Variants in KATNAL1 observed in about 807,000 individuals in gnomAD.
The protein encoded by KATNAL1 is katanin catalytic subunit A1 like 1.
KATNAL1 carries 32 observed loss-of-function variants against 55.2 expected under a neutral mutation model. The observed-to-expected ratio is 0.58, with a 90% CI of 0.44 to 0.78. KATNAL1 has a LOEUF of 0.78. Ranked by LOEUF, KATNAL1 falls within the 30% of genes least tolerant of loss-of-function variation. The probability of loss-of-function intolerance (pLI) is 0.00; values close to 1 mark genes in which losing one functional copy is unlikely to be tolerated. For synonymous variants in KATNAL1, 193 were observed against 193.6 expected (o/e 1.00, Z 0.02); for missense variants, 466 against 600.9 (o/e 0.78, Z 2.35).
intron 4 of KATNAL1, among the ~76,000 whole-genome samples, chr13:30,252,854 C>T (rs1878449636): frequency 6.6e-6 from 1 of 151,946 alleles, no homozygotes; most frequent in African/African-American, 2.4e-5. Context: ...TCAAGCGATT[C>T]TCATGCCTCA....
At chr13:30,215,864 A>G (rs1375968950) in intron 9 of KATNAL1, among the ~76,000 whole-genome samples, 1 of 152,188 alleles carries the variant, frequency 6.6e-6, no homozygotes, top group African/African-American at 2.4e-5. Context: ...AGCATGGCAC[A>G]TGTATACATA....
chr13:30,302,644 G>T (rs1018506830), intron 1 of KATNAL1, among the ~76,000 whole-genome samples: 1 of 152,200 alleles, frequency 6.6e-6, no homozygotes, highest in African/African-American at 2.4e-5. Flanking sequence ...CCTCAAACAC[G>T]TAAAAGCTAA....
chr13:30,291,704 G>A (rs1462855739), intron 1 of KATNAL1, among the ~76,000 whole-genome samples: 1 of 152,168 alleles, frequency 6.6e-6, no homozygotes, highest in East Asian at 1.9e-4. Flanking sequence ...TGTTGGGGGT[G>A]GATGTCTACT....
At chr13:30,222,918 C>A (rs542756885) in intron 9 of KATNAL1, among the ~76,000 whole-genome samples, 11 of 151,966 alleles carry the variant, frequency 7.2e-5, no homozygotes, top group Non-Finnish European at 1.6e-4. Flanking sequence ...CATGGCGAAA[C>A]CCCGTCTCTA....
At chr13:30,212,308 G>T (rs1001744605) in intron 9 of KATNAL1, among the ~76,000 whole-genome samples, 2 of 152,206 alleles carry the variant, frequency 1.3e-5, no homozygotes, top group Non-Finnish European at 2.9e-5. Context: ...AGCAACCAAA[G>T]ACTTGTATCA....
chr13:30,280,763 CTTAT>C lies in KATNAL1; in HGVS notation c.163-544_163-541del, dbSNP rs541661139. 1.6e-3 allele frequency among the ~76,000 whole-genome samples: 245 copies of C among 152,048 alleles called. 1 individual carries two copies. The highest frequency in any genetic ancestry group is 5.4e-3 in the African/African-American group (224 of 41,466). Reference sequence around the variant, plus strand: ...CACCTGAAATCTGAATTATTTTTGCCTTATTTAAATTATTTTGAGTTCTGAGTAA... The same window carrying C: ...CACCTGAAATCTGAATTATTTTTGCCTTAAATTATTTTGAGTTCTGAGTAA... On this transcript the variant is annotated intron_variant, in intron 2 of 10. Transcript: ENST00000380615.
At chr13:30,242,677 T>C (rs928130911) in intron 4 of KATNAL1, among the ~76,000 whole-genome samples, 2 of 151,910 alleles carry the variant, frequency 1.3e-5, no homozygotes, top group African/African-American at 2.4e-5. Context: ...AGGAGGAGAA[T>C]CAAAGAACTA....
At position 30,208,344 on chromosome 13, in the gene KATNAL1, G is replaced by T; in HGVS notation, c.*196C>A. 1 of 527,196 alleles carries T rather than the reference G, an allele frequency of 1.9e-6. No homozygotes were observed. The highest frequency in any genetic ancestry group is 3.3e-6 in the Non-Finnish European group (1 of 301,748). 32.7% of individuals were successfully genotyped at this position (527,196 alleles called of 1,614,324 possible). On this transcript the variant is annotated 3_prime_UTR_variant, in exon 11 of 11. Coordinates refer to ENST00000380615, the MANE Select transcript of KATNAL1 (RefSeq NM_032116.5). ...TACGTGGAATACCAGCACAAAGCCGGGGAGGGAGACTAGCAAACTCTCGCC... is the reference window on the plus strand; with the variant it reads ...TACGTGGAATACCAGCACAAAGCCGTGGAGGGAGACTAGCAAACTCTCGCC...
chr13:30,237,892 C>T (rs1362305841), intron 6 of KATNAL1, among the ~76,000 whole-genome samples: 1 of 152,184 alleles, frequency 6.6e-6, no homozygotes, highest in Non-Finnish European at 1.5e-5. Flanking sequence ...TTGCCCCTGC[C>T]TTCTTGACAC....
intron 3 of KATNAL1, among the ~76,000 whole-genome samples, chr13:30,268,106 G>C (rs1879923464): frequency 6.6e-6 from 1 of 152,174 alleles, no homozygotes; most frequent in African/African-American, 2.4e-5. Flanking sequence ...TGTGATTTAT[G>C]ACTCAATTTT....
intron 10 of KATNAL1, 40 bp from the exon 11 acceptor site, chr13:30,208,778 C>CATGTAAA: frequency 7.0e-7 from 1 of 1,420,528 alleles, no homozygotes. Context: ...AATTTTTGCA[C>CATGTAAA]ATGTTTTAAA....
chr13:30,282,750 C>T (rs575963840), intron 2 of KATNAL1, among the ~76,000 whole-genome samples: 15 of 150,442 alleles, frequency 1.0e-4, no homozygotes, highest in Middle Eastern at 3.5e-3. Flanking sequence ...GTCAGGAGAT[C>T]GAGACCATCC....
At chr13:30,296,196 C>T (rs1882479617) in intron 1 of KATNAL1, 2 of 722,762 alleles carry the variant, frequency 2.8e-6, no homozygotes, top group East Asian at 6.1e-5. Flanking sequence ...AACTTCAAGG[C>T]CACATCCATG....
intron 9 of KATNAL1, among the ~76,000 whole-genome samples, chr13:30,214,459 C>A (rs1447936521): frequency 2.0e-5 from 3 of 152,056 alleles, no homozygotes; most frequent in Non-Finnish European, 4.4e-5. Context: ...GAGCCCACGT[C>A]GCCAAGTCAA....
intron 3 of KATNAL1, among the ~76,000 whole-genome samples, chr13:30,258,039 C>CTT (rs1045455667): frequency 6.6e-6 from 1 of 152,176 alleles, no homozygotes; most frequent in African/African-American, 2.4e-5. Flanking sequence ...CTCAAGGCTT[C>CTT]TTTTACTAGT....
At chr13:30,300,920 A>ATAC (rs1349862049) in intron 1 of KATNAL1, among the ~76,000 whole-genome samples, 1 of 152,242 alleles carries the variant, frequency 6.6e-6, no homozygotes, top group Admixed American at 6.5e-5. Context: ...AAGAATCTAG[A>ATAC]TACTAATATA....
chr13:30,255,920 C>A (rs1456946185), intron 3 of KATNAL1, among the ~76,000 whole-genome samples: 1 of 152,128 alleles, frequency 6.6e-6, no homozygotes, highest in East Asian at 1.9e-4. Context: ...ATCTAATAAT[C>A]TTAACAACAT....
chr13:30,283,634 G>C lies in KATNAL1; in HGVS notation c.144C>G (p.Ile48Met), dbSNP rs1443944685. The C allele has an allele frequency of 6.2e-7, 1 of 1,613,580 alleles. No homozygotes were observed. The highest frequency in any genetic ancestry group is 2.2e-5 in the East Asian group (1 of 44,866). ...RHCQSVRDPAIKGKWQQVRQE... is the reference protein window; with the variant it reads ...RHCQSVRDPAMKGKWQQVRQE... ...ATCTTACCTGTTGCCATTTGCCTTT[G>C]ATAGCTGGATCTCTGACTGACTGGC... Residue 48 changes from isoleucine to methionine, a missense_variant, in exon 2 of 11, where the codon ATC (isoleucine) becomes ATG (methionine). Transcript: ENST00000380615.
At chr13:30,291,976 A>T (rs1322112708) in intron 1 of KATNAL1, among the ~76,000 whole-genome samples, 1 of 152,158 alleles carries the variant, frequency 6.6e-6, no homozygotes, top group Non-Finnish European at 1.5e-5. Context: ...AGGAGGTTGC[A>T]GTGAGCCGAG....
Sources: gnomAD v4.1 joint callset for allele counts (sites outside exome capture counted in the v4.1 genomes callset) on GRCh38, gnomAD v4.1.1 for gene constraint, MANE v1.5 for transcripts, NCBI Gene and HGNC (gene_info 2026-07-23, HGNC 2026-07-21) for gene names.